CAST: variants seen among roughly 807,000 people sequenced by gnomAD.
The protein encoded by CAST is calpastatin, also known as MIR583 host.
CAST carries 76 observed loss-of-function variants against 119.6 expected under a neutral mutation model. The observed-to-expected ratio is 0.64, with a 90% CI of 0.53 to 0.77. The LOEUF is 0.77. Ranked by LOEUF, CAST falls within the 30% of genes least tolerant of loss-of-function variation. CAST has a pLI of 0.00. For synonymous variants in CAST, 319 were observed against 331.6 expected, an observed-to-expected ratio of 0.96 and a Z score of 0.41; for missense variants, 953 against 946.5, an observed-to-expected ratio of 1.01 and a Z score of -0.09.
the CAST span, among the ~76,000 whole-genome samples, chr5:96,218,203 G>A: frequency 6.6e-6 from 1 of 152,240 alleles, no homozygotes; most frequent in African/African-American, 2.4e-5. Context: ...GTTTTCCTAT[G>A]GAATTTTTTT....
chr5:96,169,243 G>A, the CAST span, among the ~76,000 whole-genome samples: 1 of 152,184 alleles, frequency 6.6e-6, no homozygotes, highest in Non-Finnish European at 1.5e-5. Flanking sequence ...AATGGGGGCT[G>A]TCTGTGAAGC....
At chr5:96,470,187 T>TCA in the CAST span, among the ~76,000 whole-genome samples, 374 of 144,744 alleles carry the variant, frequency 2.6e-3, 2 homozygotes, top group South Asian at 0.015. Flanking sequence ...AAATAAATGC[T>TCA]CACACACACA....
the CAST span, among the ~76,000 whole-genome samples, chr5:96,294,737 A>C: frequency 6.6e-6 from 1 of 152,226 alleles, no homozygotes; most frequent in African/African-American, 2.4e-5. Flanking sequence ...TTCGTTGACT[A>C]TTTCTAGCCG....
At chr5:96,308,116 C>T in the CAST span, among the ~76,000 whole-genome samples, 1 of 152,148 alleles carries the variant, frequency 6.6e-6, no homozygotes, top group Non-Finnish European at 1.5e-5. Flanking sequence ...GATCTTTTCA[C>T]ATAGAACCAT....
the CAST span, among the ~76,000 whole-genome samples, chr5:96,409,891 A>G: frequency 0.022 from 3,406 of 152,310 alleles, 130 homozygotes; most frequent in African/African-American, 0.077. Context: ...TCCTGTATGA[A>G]GAAGATGTTC....
intron 1 of CAST, among the ~76,000 whole-genome samples, chr5:96,555,827 G>T (rs1746227985): frequency 6.6e-6 from 1 of 152,242 alleles, no homozygotes; most frequent in Non-Finnish European, 1.5e-5. Flanking sequence ...AAAGGCAGCA[G>T]AAACCTCTGC....
chr5:96,627,217 G>A (rs1052994738), intron 1 of CAST, among the ~76,000 whole-genome samples: 3 of 152,118 alleles, frequency 2.0e-5, no homozygotes, highest in Admixed American at 1.3e-4. Context: ...TAGTTACTTC[G>A]TACCTCTTAG....
the CAST span, among the ~76,000 whole-genome samples, chr5:96,265,172 T>A: frequency 6.6e-6 from 1 of 152,172 alleles, no homozygotes; most frequent in South Asian, 2.1e-4. Context: ...TCTCTCCACT[T>A]GGCCTTTCAC....
At chr5:96,482,631 A>G in the CAST span, among the ~76,000 whole-genome samples, 1 of 152,044 alleles carries the variant, frequency 6.6e-6, no homozygotes, top group Non-Finnish European at 1.5e-5. Context: ...ATTGATGATA[A>G]CAGATCACTA....
the CAST span, among the ~76,000 whole-genome samples, chr5:96,479,450 C>T: frequency 8.7e-5 from 10 of 115,324 alleles, no homozygotes; most frequent in African/African-American, 3.1e-4. Flanking sequence ...CCAGGCACTC[C>T]TTATTTTTTT....
At position 96,736,193 on chromosome 5, in the gene CAST, AC is replaced by A; in HGVS notation, c.656del (p.Pro219GlnfsTer25). Reference protein sequence around the residue: ...GDKKKEKKSLTPAVPVESKPD... With the variant: ...GDKKKEKKSLXPAVPVESKPD... The stretch of plus-strand genomic sequence containing the variant: ...CCAGAAAAAAGAAAAGAAATCATTA[AC>A]CCCAGCTGTGCCAGTTGAATCTAAA... On this transcript the variant is annotated frameshift_variant, in exon 10 of 32. Coordinates refer to ENST00000675179, the MANE Select transcript of CAST (RefSeq NM_001750.7). LOFTEE classifies it high-confidence loss of function. 1.2e-6 allele frequency: 2 copies of A among 1,612,444 alleles called. No homozygotes were observed. The highest frequency in any genetic ancestry group is 1.7e-6 in the Non-Finnish European group (2 of 1,179,156).
the CAST span, among the ~76,000 whole-genome samples, chr5:96,172,602 G>C: frequency 6.6e-6 from 1 of 152,232 alleles, no homozygotes; most frequent in East Asian, 1.9e-4. Flanking sequence ...AAAGGTTCCA[G>C]GAAGTGGCCT....
At chr5:96,186,530 C>T in the CAST span, among the ~76,000 whole-genome samples, 2 of 152,078 alleles carry the variant, frequency 1.3e-5, no homozygotes, top group African/African-American at 2.4e-5. Context: ...CCTTCAATAC[C>T]TAGTTTATTG....
At chr5:96,096,107 A>G in the CAST span, among the ~76,000 whole-genome samples, 3 of 152,174 alleles carry the variant, frequency 2.0e-5, no homozygotes, top group Non-Finnish European at 4.4e-5. Context: ...AATCTCAATC[A>G]TGGAAGGTGT....
At chr5:96,746,229 CT>C (rs1763724124) in intron 16 of CAST, 112 bp from the exon 17 acceptor site, 3 of 698,434 alleles carry the variant, frequency 4.3e-6, no homozygotes, top group Non-Finnish European at 7.9e-6. Flanking sequence ...CTTCCAGATG[CT>C]TTTACCAGAT....
the CAST span, among the ~76,000 whole-genome samples, chr5:96,318,036 G>C: frequency 6.6e-6 from 1 of 152,192 alleles, no homozygotes; most frequent in Admixed American, 6.5e-5. Context: ...GTCAGTTGTT[G>C]TAACAATAGC....
chr5:96,243,331 C>G, the CAST span, among the ~76,000 whole-genome samples: 1 of 148,066 alleles, frequency 6.8e-6, no homozygotes, highest in African/African-American at 2.5e-5. Flanking sequence ...TTTTACCAAG[C>G]TGTTACAAGA....
At chr5:96,544,116 T>C (rs527690765) in intron 1 of CAST, among the ~76,000 whole-genome samples, 3 of 152,308 alleles carry the variant, frequency 2.0e-5, no homozygotes, top group East Asian at 3.9e-4. Context: ...TGAGATTTTA[T>C]TGTGATTGCA....
chr5:96,196,102 C>CTT, the CAST span, among the ~76,000 whole-genome samples: 1 of 152,110 alleles, frequency 6.6e-6, no homozygotes, highest in Admixed American at 6.5e-5. Context: ...CTATCCCAAA[C>CTT]TCTGTGTAGA....
Sources: gnomAD v4.1 joint callset for allele counts (sites outside exome capture counted in the v4.1 genomes callset) on GRCh38, gnomAD v4.1.1 for gene constraint, MANE v1.5 for transcripts, NCBI Gene and HGNC (gene_info 2026-07-23, HGNC 2026-07-21) for gene names.